The following RAPGEF1 variants were observed in gnomAD, a reference collection of about 807,000 sequenced individuals.
RAPGEF1 encodes Rap guanine nucleotide exchange factor 1.
A neutral mutation model predicts 143.3 loss-of-function variants in RAPGEF1; 33 were observed. The ratio of observed to expected loss-of-function variants is 0.23; its 90% CI spans 0.17 to 0.31. The LOEUF (loss-of-function observed/expected upper bound fraction) is 0.31. Among genes scored for constraint, RAPGEF1 ranks in the 10% least tolerant of loss-of-function variants. The probability of loss-of-function intolerance (pLI) is 1.00; values close to 1 mark genes in which losing one functional copy is unlikely to be tolerated. For missense variants in RAPGEF1, 1,199 were observed against 1,645.4 expected (o/e 0.73, Z 4.69); for synonymous variants, 629 against 676.5 (o/e 0.93, Z 1.09).
chr9:131,643,494 C>A (rs1176199181), intron 3 of RAPGEF1, 77 bp from the exon 4 acceptor site: 1 of 1,376,176 alleles, frequency 7.3e-7, no homozygotes, highest in Non-Finnish European at 9.7e-7. Flanking sequence ...GGAACATTTT[C>A]TTTAAACCAG....
intron 26 of RAPGEF1, 141 bp from the exon 27 acceptor site, chr9:131,579,788 A>T (rs115325340): frequency 1.1e-6 from 1 of 878,486 alleles, no homozygotes; most frequent in African/African-American, 1.7e-5. Flanking sequence ...CCGTTGACCA[A>T]TGTGACAGAG....
intron 17 of RAPGEF1, 53 bp from the exon 18 acceptor site, chr9:131,592,236 G>T (rs934823479): frequency 4.9e-6 from 7 of 1,433,290 alleles, no homozygotes; most frequent in Middle Eastern, 1.8e-4. Flanking sequence ...GTGCTGGGGG[G>T]TGGTAGCCAG....
chr9:131,615,590 G>C (rs186474906), intron 12 of RAPGEF1, among the ~76,000 whole-genome samples: 1 of 152,216 alleles, frequency 6.6e-6, no homozygotes, highest in African/African-American at 2.4e-5. Context: ...GGGGAGGACT[G>C]GCTTTTCCTG....
chr9:131,639,437 A>AGTATGTGTGT (rs1383201075), intron 4 of RAPGEF1, among the ~76,000 whole-genome samples: 11 of 149,074 alleles, frequency 7.4e-5, no homozygotes, highest in African/African-American at 2.7e-4. Flanking sequence ...AACGCAGGTG[A>AGTATGTGTGT]GTGTGTGTGT....
intron 5 of RAPGEF1, among the ~76,000 whole-genome samples, chr9:131,633,080 C>G (rs1047734278): frequency 2.6e-5 from 4 of 152,194 alleles, no homozygotes; most frequent in Non-Finnish European, 2.9e-5. Context: ...GATGTCTATT[C>G]TTGAAGAAAT....
At position 131,579,440 on chromosome 9, in the gene RAPGEF1, G is replaced by T; in HGVS notation, c.*57C>A. The T allele has an allele frequency of 6.3e-7, 1 of 1,590,528 alleles. No individual in the cohort carries two copies. The highest frequency in any genetic ancestry group is 8.6e-7 in the Non-Finnish European group (1 of 1,166,756). The stretch of plus-strand genomic sequence containing the variant: ...CCTAACAGGTCCAAGGTCCTCTCCG[G>T]TCTGGGAGCTGCCCTCTGCGCCCCT... On this transcript the variant is annotated 3_prime_UTR_variant, in exon 27 of 27. Coordinates refer to ENST00000683357, the MANE Select transcript of RAPGEF1 (RefSeq NM_001377935.1).
rs1829796723 is a variant in RAPGEF1, at chr9:131,662,894, C to G, written c.62-11945G>C. 2.0e-5 allele frequency among the ~76,000 whole-genome samples: 3 copies of G among 152,034 alleles called. No homozygotes were observed. The South Asian group carries it at 6.2e-4, about 32-fold the overall frequency. On this transcript the variant is annotated intron_variant, in intron 1 of 26. Coordinates refer to ENST00000683357, the MANE Select transcript of RAPGEF1 (RefSeq NM_001377935.1). ...ATGTTGCCTAGGCTGGTCTCGAGCT[C>G]CTGGGCTCAAGTGATCCTCTTGCCT...
At chr9:131,673,755 G>A (rs1484827703) in intron 1 of RAPGEF1, among the ~76,000 whole-genome samples, 3 of 152,202 alleles carry the variant, frequency 2.0e-5, no homozygotes, top group Non-Finnish European at 4.4e-5. Context: ...ATGGTGCTGA[G>A]TCAGAAATTG....
At chr9:131,726,961 A>C (rs1199829826) in intron 1 of RAPGEF1, among the ~76,000 whole-genome samples, 1 of 152,142 alleles carries the variant, frequency 6.6e-6, no homozygotes, top group Non-Finnish European at 1.5e-5. Context: ...CCACGATGGT[A>C]CCACTGCACT....
At chr9:131,729,130 C>T (rs1178104697) in intron 1 of RAPGEF1, among the ~76,000 whole-genome samples, 1 of 152,252 alleles carries the variant, frequency 6.6e-6, no homozygotes, top group East Asian at 1.9e-4. Flanking sequence ...TGCATCAGTG[C>T]AGGCCCAGGG....
chr9:131,661,533 C>T (rs76066855), intron 1 of RAPGEF1, among the ~76,000 whole-genome samples: 5,437 of 151,994 alleles, frequency 0.036, 210 homozygotes, highest in East Asian at 0.09. Context: ...GTTCAACTTG[C>T]GAAAATCCTG....
intron 12 of RAPGEF1, among the ~76,000 whole-genome samples, chr9:131,609,119 G>A (rs1444241198): frequency 2.6e-5 from 4 of 152,152 alleles, no homozygotes; most frequent in African/African-American, 4.8e-5. Context: ...CCAGTTAGGA[G>A]AGGGGTGCCT....
intron 17 of RAPGEF1, among the ~76,000 whole-genome samples, chr9:131,593,814 T>C (rs1954779523): frequency 6.6e-6 from 1 of 152,180 alleles, no homozygotes. Flanking sequence ...CTTGGATTTT[T>C]GTTCAAAGAG....
intron 22 of RAPGEF1, among the ~76,000 whole-genome samples, chr9:131,585,195 C>G (rs1052923831): frequency 7.9e-5 from 12 of 152,152 alleles, no homozygotes; most frequent in Admixed American, 2.0e-4. Context: ...ACTGCTGGTT[C>G]TTCTTTTTTA....
intron 1 of RAPGEF1, among the ~76,000 whole-genome samples, chr9:131,714,708 T>TA (rs1398474269): frequency 2.5e-4 from 2 of 7,988 alleles, no homozygotes. Flanking sequence ...ACTCTGCCTT[T>TA]TTTTTTTTTT....
At chr9:131,582,986 G>A (rs941497932) in intron 24 of RAPGEF1, among the ~76,000 whole-genome samples, 2 of 152,202 alleles carry the variant, frequency 1.3e-5, no homozygotes, top group Admixed American at 6.5e-5. Context: ...GGCAGCCAGC[G>A]CTTGTGTGTA....
At chr9:131,660,492 C>T (rs907991603) in intron 1 of RAPGEF1, among the ~76,000 whole-genome samples, 1 of 150,582 alleles carries the variant, frequency 6.6e-6, no homozygotes, top group African/African-American at 2.5e-5. Context: ...CATGTGAGTG[C>T]AGTTAATGGC....
At chr9:131,687,681 A>C (rs1411381194) in intron 1 of RAPGEF1, among the ~76,000 whole-genome samples, 1 of 152,200 alleles carries the variant, frequency 6.6e-6, no homozygotes, top group Non-Finnish European at 1.5e-5. Context: ...TTCCTTTAGA[A>C]CTCAGAGCAG....
intron 1 of RAPGEF1, among the ~76,000 whole-genome samples, chr9:131,711,780 T>C (rs1215385385): frequency 6.6e-6 from 1 of 152,104 alleles, no homozygotes; most frequent in Admixed American, 6.5e-5. Flanking sequence ...TGGTACAAAA[T>C]GGGAGCAAGT....
Sources: allele counts gnomAD v4.1 joint callset (sites outside exome capture counted in the v4.1 genomes callset), GRCh38; gene constraint gnomAD v4.1.1; transcripts MANE v1.5; gene names NCBI Gene and HGNC (gene_info 2026-07-23, HGNC 2026-07-21).